Variants in CXADR observed in about 807,000 individuals in gnomAD.
The protein encoded by CXADR is CXADR cell adhesion molecule.
A neutral mutation model predicts 40.3 loss-of-function variants in CXADR; 20 were observed. That is an observed-to-expected ratio of 0.50 (90% CI 0.35 to 0.72). The LOEUF (loss-of-function observed/expected upper bound fraction) is 0.72, where lower values mean the gene tolerates loss of function less well. CXADR is among the 30% of genes least tolerant of loss of function. The pLI is 0.01. For missense variants in CXADR, 332 were observed against 449.1 expected (o/e 0.74, Z 2.36); for synonymous variants, 150 against 161.3 (o/e 0.93, Z 0.53).
At chr21:17,630,507 G>T in the CXADR span, among the ~76,000 whole-genome samples, 4 of 152,054 alleles carry the variant, frequency 2.6e-5, no homozygotes, top group Non-Finnish European at 5.9e-5. Context: ...TTATGGAATA[G>T]CCAGCAATAT....
chr21:17,531,298 CAAAA>C (rs112689570), intron 1 of CXADR, among the ~76,000 whole-genome samples: 1 of 128,204 alleles, frequency 7.8e-6, no homozygotes, highest in East Asian at 2.2e-4. Context: ...GACTCTGTCT[CAAAA>C]AAAAAAAAAG....
In CXADR at chr21:17,567,443, C is replaced by A; in HGVS notation, c.*1751C>A. On this transcript the variant is annotated 3_prime_UTR_variant, in exon 7 of 7. Coordinates refer to ENST00000284878, the MANE Select transcript of CXADR (RefSeq NM_001338.5). ...GTAATTTAATTTCTATTATGAATTT[C>A]TGGTGCCTATGAGCTAGCTATCACC... The A allele has an allele frequency of 1.0e-6, 1 of 985,272 alleles. No homozygotes were observed. 61.0% of individuals were successfully genotyped at this position (985,272 alleles called of 1,614,324 possible).
chr21:17,548,355 A>G (rs1466395381), intron 2 of CXADR, among the ~76,000 whole-genome samples: 1 of 152,152 alleles, frequency 6.6e-6, no homozygotes, highest in Admixed American at 6.5e-5. Flanking sequence ...CACCCCCTCC[A>G]AAGATGTAAC....
the CXADR span, among the ~76,000 whole-genome samples, chr21:17,600,698 A>G: frequency 1.3e-5 from 2 of 152,084 alleles, no homozygotes; most frequent in African/African-American, 4.8e-5. Context: ...AAAAAACAGA[A>G]AAGAAAATGT....
chr21:17,529,613 G>A (rs1282741576), intron 1 of CXADR, among the ~76,000 whole-genome samples: 1 of 152,170 alleles, frequency 6.6e-6, no homozygotes, highest in African/African-American at 2.4e-5. Flanking sequence ...GAGCCACTGC[G>A]CCCGGCCGCC....
At chr21:17,547,945 A>G (rs1338580861) in intron 2 of CXADR, among the ~76,000 whole-genome samples, 1 of 152,178 alleles carries the variant, frequency 6.6e-6, no homozygotes, top group Non-Finnish European at 1.5e-5. Context: ...AGCACAGAGG[A>G]GGAAACATGC....
At chr21:17,561,056 CTGTTA>C (rs1203699582) in intron 5 of CXADR, among the ~76,000 whole-genome samples, 8 of 152,176 alleles carry the variant, frequency 5.3e-5, no homozygotes, top group Non-Finnish European at 1.0e-4. Context: ...CCATATTTAG[CTGTTA>C]TAAGTATGAG....
chr21:17,518,464 A>G, intron 1 of CXADR: 1 of 731,310 alleles, frequency 1.4e-6, no homozygotes, highest in Non-Finnish European at 2.5e-6. Flanking sequence ...TGTCTGTAAA[A>G]CTTTGGAACC....
chr21:17,533,904 AAC>A (rs2060710043), intron 1 of CXADR, among the ~76,000 whole-genome samples: 1 of 150,902 alleles, frequency 6.6e-6, no homozygotes, highest in South Asian at 2.1e-4. Context: ...AGTACATATT[AAC>A]AGTCTATACT....
intron 3 of CXADR, among the ~76,000 whole-genome samples, chr21:17,555,101 T>C (rs913418952): frequency 3.3e-5 from 5 of 151,862 alleles, no homozygotes; most frequent in African/African-American, 9.7e-5. Context: ...ACAAAGAGAG[T>C]TGATAGAAGG....
chr21:17,561,391 C>G lies in CXADR; in HGVS notation c.748C>G (p.Leu250Val), dbSNP rs201624272. 1.2e-5 allele frequency: 20 copies of G among 1,611,590 alleles called. No individual in the cohort carries two copies. The highest frequency in any genetic ancestry group is 1.7e-5 in the Non-Finnish European group (20 of 1,178,856). Residue 250 changes from leucine (L) to valine (V), a missense_variant, in exon 6 of 7, where the codon CTA becomes GTA. By Grantham distance (32) the Leu-to-Val change is conservative (BLOSUM62 1). This residue lies in a region of CXADR where 150 missense variants were observed against 194.2 expected (regional missense o/e 0.77). Coordinates refer to ENST00000284878, the MANE Select transcript of CXADR (RefSeq NM_001338.5). ...AGCCATTATAGGAACTTTGCTTGCT[C>G]TAGCGCTCATTGGTCTTATCATCTT... ...AGAIIGTLLA[L>V]ALIGLIIFCC...
intron 1 of CXADR, among the ~76,000 whole-genome samples, chr21:17,540,631 A>G (rs944845457): frequency 1.3e-5 from 2 of 152,206 alleles, no homozygotes; most frequent in African/African-American, 2.4e-5. Flanking sequence ...GTTGTTGGAC[A>G]TTTAGGTTGT....
the CXADR span, among the ~76,000 whole-genome samples, chr21:17,624,691 A>C: frequency 6.6e-6 from 1 of 152,152 alleles, no homozygotes; most frequent in South Asian, 2.1e-4. Flanking sequence ...TTTGCCACAT[A>C]ATGTAACAAA....
chr21:17,605,858 G>C, the CXADR span, among the ~76,000 whole-genome samples: 48,303 of 152,018 alleles, frequency 0.32, 7,776 homozygotes, highest in East Asian at 0.41. Context: ...ACTAATCCTA[G>C]TATTTATCAG....
At chr21:17,618,638 G>A in the CXADR span, among the ~76,000 whole-genome samples, 1 of 152,050 alleles carries the variant, frequency 6.6e-6, no homozygotes, top group South Asian at 2.1e-4. Flanking sequence ...CCTGGTTAAA[G>A]CAATTCTCTG....
the CXADR span, among the ~76,000 whole-genome samples, chr21:17,630,650 C>CT: frequency 0.48 from 56,522 of 117,236 alleles, 14,125 homozygotes; most frequent in Middle Eastern, 0.59. Flanking sequence ...CTTCCTTCTT[C>CT]TTTTTTTTTT....
the CXADR span, among the ~76,000 whole-genome samples, chr21:17,627,253 G>C: frequency 1.3e-5 from 2 of 152,156 alleles, no homozygotes; most frequent in East Asian, 3.9e-4. Flanking sequence ...CTACTCAGGA[G>C]GCTGAGGCAA....
At chr21:17,598,549 T>G (rs189739532), downstream of CXADR, 3 of 1,348,828 alleles carry the variant, frequency 2.2e-6, no homozygotes, top group Admixed American at 6.0e-5. Flanking sequence ...CAATGCCAAG[T>G]AGGACTACCT....
chr21:17,596,793 T>C (rs1387355083), downstream of CXADR, among the ~76,000 whole-genome samples: 3 of 152,120 alleles, frequency 2.0e-5, no homozygotes, highest in African/African-American at 7.2e-5. Context: ...AGATGTTCAT[T>C]GATACTGAAT....
Sources: gnomAD v4.1 joint callset for allele counts (sites outside exome capture counted in the v4.1 genomes callset) on GRCh38, gnomAD v4.1.1 for gene constraint, gnomAD v4.1.1 regional missense constraint, MANE v1.5 for transcripts, NCBI Gene and HGNC (gene_info 2026-07-23, HGNC 2026-07-21) for gene names.